The following CHCHD3 variants were observed in gnomAD, a reference collection of about 807,000 sequenced individuals.
The protein encoded by CHCHD3 is coiled-coil-helix-coiled-coil-helix domain containing 3.
CHCHD3 carries 20 observed loss-of-function variants against 38.2 expected under a neutral mutation model. The observed-to-expected ratio is 0.52, with a 90% CI of 0.37 to 0.76. The LOEUF (loss-of-function observed/expected upper bound fraction) is 0.76. Among genes scored for constraint, CHCHD3 ranks in the 30% least tolerant of loss-of-function variants. CHCHD3 has a pLI of 0.00. For missense variants in CHCHD3, 245 were observed against 279.2 expected (o/e 0.88, Z 0.87); for synonymous variants, 82 against 100.0 (o/e 0.82, Z 1.07).
chr7:132,875,616 T>A (rs1381182436), intron 5 of CHCHD3, among the ~76,000 whole-genome samples: 2 of 152,230 alleles, frequency 1.3e-5, no homozygotes, highest in Non-Finnish European at 2.9e-5. Context: ...TGCGCCACTG[T>A]GTCAACTGAA....
At chr7:132,989,867 T>C (rs1448729057) in intron 3 of CHCHD3, among the ~76,000 whole-genome samples, 1 of 152,114 alleles carries the variant, frequency 6.6e-6, no homozygotes, top group Non-Finnish European at 1.5e-5. Flanking sequence ...ATCATCAGCT[T>C]TTTATCTTAA....
At chr7:133,005,583 C>T (rs1487173217) in intron 3 of CHCHD3, among the ~76,000 whole-genome samples, 1 of 152,186 alleles carries the variant, frequency 6.6e-6, no homozygotes, top group Non-Finnish European at 1.5e-5. Flanking sequence ...TTTCGCTTCT[C>T]ATGGAGTTTT....
chr7:132,846,228 C>T (rs757818068), intron 5 of CHCHD3, among the ~76,000 whole-genome samples: 10 of 152,282 alleles, frequency 6.6e-5, no homozygotes, highest in Non-Finnish European at 1.5e-4. Flanking sequence ...TGATGGTGTA[C>T]CAGTTTCAAA....
intron 3 of CHCHD3, among the ~76,000 whole-genome samples, chr7:132,999,492 T>C (rs750424893): frequency 1.3e-5 from 2 of 152,250 alleles, no homozygotes; most frequent in Non-Finnish European, 2.9e-5. Context: ...CCATTATGGT[T>C]ATTATAATAA....
At chr7:132,978,615 C>A (rs879366976) in intron 3 of CHCHD3, among the ~76,000 whole-genome samples, 3 of 152,088 alleles carry the variant, frequency 2.0e-5, no homozygotes, top group Non-Finnish European at 4.4e-5. Context: ...GAACACAAGG[C>A]GATGGTATAT....
intron 3 of CHCHD3, among the ~76,000 whole-genome samples, chr7:132,995,612 A>C (rs1812393118): frequency 6.6e-6 from 1 of 152,224 alleles, no homozygotes; most frequent in African/African-American, 2.4e-5. Flanking sequence ...CTTTTTGTGA[A>C]TCTAATGTGC....
chr7:132,860,617 T>C (rs935897261), intron 5 of CHCHD3, among the ~76,000 whole-genome samples: 5 of 152,064 alleles, frequency 3.3e-5, no homozygotes, highest in African/African-American at 1.2e-4. Flanking sequence ...AAAGAAACGA[T>C]ATAATCTGAC....
chr7:133,074,613 A>G (rs376009447), intron 1 of CHCHD3, among the ~76,000 whole-genome samples: 10 of 152,178 alleles, frequency 6.6e-5, no homozygotes, highest in African/African-American at 2.2e-4. Flanking sequence ...CTCTAGTCCA[A>G]TGCTCTACTT....
chr7:132,828,699 A>C (rs1333305491), intron 6 of CHCHD3, among the ~76,000 whole-genome samples: 2 of 152,184 alleles, frequency 1.3e-5, no homozygotes, highest in Non-Finnish European at 2.9e-5. Flanking sequence ...ATGGGCAGCT[A>C]AATACATTCA....
chr7:132,800,055 C>G (rs1424648644), intron 6 of CHCHD3, among the ~76,000 whole-genome samples: 1 of 152,150 alleles, frequency 6.6e-6, no homozygotes, highest in African/African-American at 2.4e-5. Context: ...GTAAAACATT[C>G]TTTGGCTAAT....
In CHCHD3 at chr7:133,015,785, T is replaced by A. The variant is rs1036363568; in HGVS notation, c.251+8761A>T. ...ATCACTATAAAGAAATATCTGAGAC[T>A]GTGTAATTTATAAAGAAAAGGCGTT... On this transcript the variant is annotated intron_variant, in intron 3 of 7. Transcript: ENST00000262570. Among the ~76,000 whole-genome samples the A allele has an allele frequency of 2.8e-4, 43 of 151,360 alleles. 1 individual carries two copies. The highest frequency in any genetic ancestry group is 1.1e-3 in the Admixed American group (17 of 15,220).
intron 4 of CHCHD3, among the ~76,000 whole-genome samples, chr7:132,899,486 G>T (rs959231746): frequency 2.0e-5 from 3 of 152,158 alleles, no homozygotes; most frequent in Non-Finnish European, 4.4e-5. Flanking sequence ...AATCAGATTT[G>T]TTAATTAACA....
intron 5 of CHCHD3, chr7:132,845,021 T>C (rs956721378): frequency 6.6e-6 from 1 of 152,222 alleles, no homozygotes; most frequent in African/African-American, 2.4e-5. Flanking sequence ...GTAAAACCTA[T>C]GCATATGTCG....
chr7:132,921,910 G>A (rs1449277423), intron 4 of CHCHD3, among the ~76,000 whole-genome samples: 2 of 152,078 alleles, frequency 1.3e-5, no homozygotes, highest in Non-Finnish European at 2.9e-5. Flanking sequence ...TTCCCTTTAC[G>A]CCACATCTCT....
intron 2 of CHCHD3, among the ~76,000 whole-genome samples, chr7:133,042,008 G>A (rs1813848032): frequency 6.6e-6 from 1 of 152,188 alleles, no homozygotes; most frequent in African/African-American, 2.4e-5. Context: ...ATACATAAGA[G>A]GTGCTGGCAA....
At chr7:133,003,392 C>T (rs1310236371) in intron 3 of CHCHD3, among the ~76,000 whole-genome samples, 1 of 152,100 alleles carries the variant, frequency 6.6e-6, no homozygotes, top group African/African-American at 2.4e-5. Flanking sequence ...TGGGGTCAAT[C>T]CCAGGAGAAG....
intron 4 of CHCHD3, among the ~76,000 whole-genome samples, chr7:132,957,958 G>A (rs1811223563): frequency 6.6e-6 from 1 of 152,156 alleles, no homozygotes; most frequent in Non-Finnish European, 1.5e-5. Context: ...AATTTACACA[G>A]ACTTACGAAT....
At chr7:133,075,661 C>A (rs1814965244) in intron 1 of CHCHD3, among the ~76,000 whole-genome samples, 1 of 152,204 alleles carries the variant, frequency 6.6e-6, no homozygotes, top group East Asian at 1.9e-4. Context: ...CAGGATTATA[C>A]ACGCAATCTG....
chr7:132,950,233 C>T (rs118080861), intron 4 of CHCHD3, among the ~76,000 whole-genome samples: 1,596 of 152,132 alleles, frequency 0.01, 12 homozygotes, highest in South Asian at 0.066. Context: ...ACCTGGGTGA[C>T]GGGATCGACT....
Sources: allele counts gnomAD v4.1 joint callset (sites outside exome capture counted in the v4.1 genomes callset), GRCh38; gene constraint gnomAD v4.1.1; transcripts MANE v1.5; gene names NCBI Gene and HGNC (gene_info 2026-07-23, HGNC 2026-07-21).